Variants in GATB observed in about 807,000 individuals in gnomAD.
The protein encoded by GATB is glutamyl-tRNA(Gln) amidotransferase subunit B, mitochondrial.
Under a neutral mutation model 62.3 loss-of-function variants are expected in GATB, and 39 were observed. The observed-to-expected ratio is 0.63, with a 90% CI of 0.48 to 0.82. The LOEUF is 0.82. Ranked by LOEUF, GATB falls within the 40% of genes least tolerant of loss-of-function variation. The probability of loss-of-function intolerance (pLI) is 0.00; values close to 1 mark genes in which losing one functional copy is unlikely to be tolerated. For synonymous variants in GATB, 276 were observed against 258.9 expected, an observed-to-expected ratio of 1.07 and a Z score of -0.63; for missense variants, 670 against 684.0, an observed-to-expected ratio of 0.98 and a Z score of 0.23.
intron 2 of GATB, among the ~76,000 whole-genome samples, chr4:151,742,250 G>A (rs1037741523): frequency 4.6e-5 from 7 of 152,068 alleles, no homozygotes; most frequent in African/African-American, 9.7e-5. Context: ...CATCGCACCC[G>A]GCTAATTTCT....
At chr4:151,705,559 G>C (rs907325135) in intron 6 of GATB, among the ~76,000 whole-genome samples, 6 of 152,162 alleles carry the variant, frequency 3.9e-5, no homozygotes, top group African/African-American at 1.4e-4. Flanking sequence ...AAGTGGGGCT[G>C]GGCCCAATAT....
At chr4:151,695,915 G>A (rs184369286) in intron 9 of GATB, among the ~76,000 whole-genome samples, 2 of 149,912 alleles carry the variant, frequency 1.3e-5, no homozygotes, top group East Asian at 2.0e-4. Flanking sequence ...GTGCCACCAT[G>A]CCCGGCTAAT....
chr4:151,728,072 G>A (rs1739172130), intron 2 of GATB, among the ~76,000 whole-genome samples: 2 of 152,090 alleles, frequency 1.3e-5, no homozygotes, highest in Admixed American at 1.3e-4. Flanking sequence ...TATCTCCAGT[G>A]GACTGGAGAC....
At chr4:151,706,518 T>C (rs1041808609) in intron 6 of GATB, among the ~76,000 whole-genome samples, 4 of 152,212 alleles carry the variant, frequency 2.6e-5, no homozygotes, top group Non-Finnish European at 4.4e-5. Flanking sequence ...AAACCTTTCA[T>C]GGCTTTGGGA....
At chr4:151,747,418 G>A (rs569238686) in intron 2 of GATB, among the ~76,000 whole-genome samples, 3 of 152,344 alleles carry the variant, frequency 2.0e-5, no homozygotes, top group East Asian at 3.9e-4. Flanking sequence ...CCTGTGCCTG[G>A]CTTGGATGTG....
chr4:151,697,963 A>ATATATATATATATATATATATATGTG (rs1738515210), intron 9 of GATB, among the ~76,000 whole-genome samples: 1 of 116,708 alleles, frequency 8.6e-6, no homozygotes, highest in African/African-American at 4.1e-5. Flanking sequence ...GTATATATAT[A>ATATATATATATATATATATATATGTG]TATATATATA....
intron 3 of GATB, among the ~76,000 whole-genome samples, chr4:151,718,022 C>T (rs1422751537): frequency 6.6e-6 from 1 of 152,206 alleles, no homozygotes; most frequent in African/African-American, 2.4e-5. Flanking sequence ...TGTCTTTCAC[C>T]ACTTGGCAGG....
At position 151,716,029 on chromosome 4, in the gene GATB, G is replaced by T. The variant is rs1430818728; in HGVS notation, c.743C>A (p.Thr248Asn). The T allele has an allele frequency of 1.9e-6, 3 of 1,613,582 alleles. No individual in the cohort carries two copies. Among genetic ancestry groups the T allele is most frequent in the Non-Finnish European group, 2.5e-6 (3 of 1,179,812 alleles). ...TCTACCTGCCATGTTCGCCTGGCTG[G>T]TCCCCAGGGCTTGAAGGATCAGCTG... The part of the protein sequence containing the change: ...ELQLILQALG[T>N]SQANMAEGQL... The change falls in exon 5 of 13, where the codon ACC becomes AAC. Residue 248 changes from threonine to asparagine, a missense_variant. Transcript: ENST00000263985.
At chr4:151,746,178 C>G (rs1482115903) in intron 2 of GATB, among the ~76,000 whole-genome samples, 1 of 152,150 alleles carries the variant, frequency 6.6e-6, no homozygotes, top group Admixed American at 6.5e-5. Context: ...CAAGCATTTC[C>G]GATGACAAAA....
In GATB at chr4:151,718,954, C is replaced by T. The variant is rs143613242; in HGVS notation, c.441+471G>A. 3.3e-3 allele frequency among the ~76,000 whole-genome samples: 500 copies of T among 152,328 alleles called. 2 individuals carry two copies. Among genetic ancestry groups the T allele is most frequent in the African/African-American group, 0.011 (478 of 41,570 alleles). ...GGTTCATGTTTCCGCTTACTATTGT[C>T]CACTTACTTGCTCCTTGTGAGATGA... On this transcript the variant is annotated intron_variant, in intron 3 of 12. Transcript: ENST00000263985.
chr4:151,690,291 G>C (rs1197340007), intron 9 of GATB, among the ~76,000 whole-genome samples: 1 of 152,228 alleles, frequency 6.6e-6, no homozygotes, highest in Admixed American at 6.5e-5. Flanking sequence ...CAAGCCTGCT[G>C]AATAATCCTG....
At chr4:151,743,525 A>G (rs1739537864) in intron 2 of GATB, among the ~76,000 whole-genome samples, 1 of 152,256 alleles carries the variant, frequency 6.6e-6, no homozygotes, top group African/African-American at 2.4e-5. Context: ...TCATATATAC[A>G]TATCTGTAAA....
chr4:151,759,013 T>G lies in GATB; in HGVS notation c.177-91A>C, dbSNP rs944795108. 49 of 876,938 alleles carry G rather than the reference T, an allele frequency of 5.6e-5. No individual in the cohort carries two copies. In the East Asian group the frequency reaches 1.2e-3, roughly 22 times the overall value. The allele number at this position is 876,938 out of a possible 1,614,324, so 54.3% of individuals were successfully genotyped here. On this transcript the variant is annotated intron_variant, in intron 1 of 12. Transcript: ENST00000263985. ...CTAAACCACAAATGTTAATTTCCTATATGTGTTTTAAACTTAATACAATGT... is the reference window on the plus strand; with the variant it reads ...CTAAACCACAAATGTTAATTTCCTAGATGTGTTTTAAACTTAATACAATGT...
intron 9 of GATB, among the ~76,000 whole-genome samples, chr4:151,694,533 A>G (rs559376986): frequency 7.2e-5 from 11 of 152,356 alleles, no homozygotes; most frequent in Non-Finnish European, 1.5e-4. Context: ...CTGTAAAAGC[A>G]CCCTTAGGCT....
intron 2 of GATB, among the ~76,000 whole-genome samples, chr4:151,731,149 C>T (rs981331944): frequency 2.1e-5 from 3 of 139,804 alleles, no homozygotes; most frequent in Non-Finnish European, 4.7e-5. Flanking sequence ...TTTCCACGGT[C>T]TCCCTCTGAT....
chr4:151,690,228 CATA>C (rs1342137059), intron 9 of GATB, among the ~76,000 whole-genome samples: 1 of 152,192 alleles, frequency 6.6e-6, no homozygotes, highest in Non-Finnish European at 1.5e-5. Context: ...GCAGAAATTC[CATA>C]ATAATAAAAA....
At chr4:151,742,278 C>T (rs993669213) in intron 2 of GATB, among the ~76,000 whole-genome samples, 5 of 151,636 alleles carry the variant, frequency 3.3e-5, no homozygotes, top group African/African-American at 7.3e-5. Context: ...TTAGTAGAGA[C>T]GGCATTTCAC....
Position 151,703,883 on chromosome 4 carries a change from T to C in GATB, c.975A>G (p.Ser325=), listed in dbSNP as rs777344535. The part of the protein sequence containing the change: ...SFHHKLGCTM[S]MRDKEGKQDY... ...CCTGTTTTCCTTCTTTGTCTCTCAT[T>C]GACATGGTGCACCTGCAATAGTTAA... is the stretch of plus-strand genomic sequence containing the variant. The change falls in exon 8 of 13, where the codon TCA becomes TCG. Residue 325 remains serine, a synonymous_variant. Coordinates refer to ENST00000263985, the MANE Select transcript of GATB (RefSeq NM_004564.3). 5 of 1,607,582 alleles carry C rather than the reference T, an allele frequency of 3.1e-6. No individual in the cohort carries two copies. Among genetic ancestry groups the C allele is most frequent in the Non-Finnish European group, 4.3e-6 (5 of 1,174,136 alleles).
chr4:151,674,528 T>A (rs951100965), intron 11 of GATB: 1 of 152,238 alleles, frequency 6.6e-6, no homozygotes, highest in Non-Finnish European at 1.5e-5. Flanking sequence ...TCACCGGAAT[T>A]CCCATTTTCT....
Sources: allele counts gnomAD v4.1 joint callset (sites outside exome capture counted in the v4.1 genomes callset), GRCh38; gene constraint gnomAD v4.1.1; transcripts MANE v1.5; gene names NCBI Gene and HGNC (gene_info 2026-07-23, HGNC 2026-07-21).